The following USH2A variants were observed in gnomAD, a reference collection of about 807,000 sequenced individuals.
USH2A encodes the protein Usher syndrome 2A (autosomal recessive, mild).
Under a neutral mutation model 538.9 loss-of-function variants are expected in USH2A, and 443 were observed. That is an observed-to-expected ratio of 0.82 (90% CI 0.76 to 0.89). The LOEUF is 0.89. Ranked by LOEUF, USH2A falls within the 40% of genes least tolerant of loss-of-function variation. The probability of loss-of-function intolerance (pLI) is 0.00; values close to 1 mark genes in which losing one functional copy is unlikely to be tolerated. For synonymous variants in USH2A, 2,413 were observed against 2,273.5 expected, an observed-to-expected ratio of 1.06 and a Z score of -1.75; for missense variants, 6,633 against 6,324.8, an observed-to-expected ratio of 1.05 and a Z score of -1.65.
At chr1:216,419,206 C>A (rs2039635238) in intron 2 of USH2A, among the ~76,000 whole-genome samples, 1 of 152,138 alleles carries the variant, frequency 6.6e-6, no homozygotes, top group South Asian at 2.1e-4. Flanking sequence ...CTCACCCCAT[C>A]ATCAACTGGC....
At chr1:215,876,874 G>A (rs1664787067) in intron 43 of USH2A, among the ~76,000 whole-genome samples, 1 of 152,156 alleles carries the variant, frequency 6.6e-6, no homozygotes, top group Admixed American at 6.5e-5. Context: ...GAATGCAGAG[G>A]CCTTGGTAAG....
chr1:216,248,784 T>C (rs2036101550), intron 12 of USH2A, among the ~76,000 whole-genome samples: 1 of 152,148 alleles, frequency 6.6e-6, no homozygotes. Context: ...CAGTGCTTAT[T>C]TGAATATGCC....
chr1:215,725,954 G>A (rs1659803772), intron 61 of USH2A, among the ~76,000 whole-genome samples: 1 of 152,178 alleles, frequency 6.6e-6, no homozygotes, highest in South Asian at 2.1e-4. Context: ...ATGAAGGGAT[G>A]ACTTACAGGG....
rs376657264 is a variant in USH2A, at chr1:215,858,707, T to A, written c.8845+8300A>T. On this transcript the variant is annotated intron_variant, in intron 44 of 71. Coordinates refer to ENST00000307340, the MANE Select transcript of USH2A (RefSeq NM_206933.4). Reference sequence around the variant, plus strand: ...TTTGGATAAGAGCTTTGCTATTAAATGTTATTTTTAGTTGCAACCTCCAAT... The same window carrying A: ...TTTGGATAAGAGCTTTGCTATTAAAAGTTATTTTTAGTTGCAACCTCCAAT... 7.2e-5 allele frequency among the ~76,000 whole-genome samples: 11 copies of A among 152,184 alleles called. No individual in the cohort carries two copies. The South Asian group carries it at 2.3e-3, about 32-fold the overall frequency.
rs1183957540 is a variant in USH2A at position 215,786,860 on chromosome 1, G to T, written c.10197C>A (p.Cys3399Ter). 1.2e-6 allele frequency: 2 copies of T among 1,613,840 alleles called. No homozygotes were observed. Among genetic ancestry groups the T allele is most frequent in the Non-Finnish European group, 1.7e-6 (2 of 1,179,892 alleles). ...CCATAGATGCTGGGCAGAGGATCCT[G>T]CACTCTTTGGTTTCCTGAGTCAAGT... ...TGMMMKETKECRILCPASMEA... is the reference protein window; with the variant it reads ...TGMMMKETKE Residue 3399 changes from cysteine to a stop codon, truncating the protein, a stop_gained, in exon 52 of 72, where the codon TGC becomes TGA. Transcript: ENST00000307340. LOFTEE classifies it high-confidence loss of function.
At chr1:216,214,078 T>G (rs1358652489) in intron 15 of USH2A, among the ~76,000 whole-genome samples, 1 of 152,050 alleles carries the variant, frequency 6.6e-6, no homozygotes, top group African/African-American at 2.4e-5. Context: ...AGTAACTGGA[T>G]CTCTTATAAG....
intron 44 of USH2A, among the ~76,000 whole-genome samples, chr1:215,855,747 G>A (rs1664147674): frequency 6.6e-6 from 1 of 151,758 alleles, no homozygotes. Flanking sequence ...ATGCTAAAAG[G>A]ACAAATCTGG....
At chr1:216,270,155 C>T (rs112175588) in intron 11 of USH2A, among the ~76,000 whole-genome samples, 1,595 of 152,114 alleles carry the variant, frequency 0.01, 28 homozygotes, top group African/African-American at 0.036. Flanking sequence ...AACTATATGT[C>T]TTTCTATGCA....
intron 30 of USH2A, among the ~76,000 whole-genome samples, chr1:216,052,863 A>G (rs1203079537): frequency 6.6e-6 from 1 of 152,210 alleles, no homozygotes; most frequent in African/African-American, 2.4e-5. Flanking sequence ...CATTCTCTCC[A>G]AGACTATGTA....
Position 215,728,295 on chromosome 1 carries a change from G to A in USH2A, c.11801C>T (p.Pro3934Leu). ...EFMDEGDTLR[P>L]FTLYEYRVRA... ...GACCCGATATTCGTAGAGTGTGAAAGGCCTCAGGGTGTCTCCTTCATCCAT... is the reference window on the plus strand; with the variant it reads ...GACCCGATATTCGTAGAGTGTGAAAAGCCTCAGGGTGTCTCCTTCATCCAT... Residue 3934 changes from proline (P) to leucine (L), a missense_variant, in exon 61 of 72, where the codon CCT (proline) becomes CTT (leucine). Pro to Leu is a moderately conservative substitution (Grantham distance 98, BLOSUM62 -3). Transcript: ENST00000307340. 6.2e-7 allele frequency: 1 copy of A among 1,614,154 alleles called. No individual in the cohort carries two copies. Among genetic ancestry groups the A allele is most frequent in the Non-Finnish European group, 8.5e-7 (1 of 1,180,030 alleles).
chr1:216,407,925 TA>T (rs879900125), intron 3 of USH2A, among the ~76,000 whole-genome samples: 5,490 of 145,320 alleles, frequency 0.038, 250 homozygotes, highest in African/African-American at 0.11. Context: ...TAGAGATTGT[TA>T]AAAAAAAAAA....
chr1:216,207,711 GCC>G (rs1364413789), intron 15 of USH2A, among the ~76,000 whole-genome samples: 7 of 64,158 alleles, frequency 1.1e-4, no homozygotes, highest in Middle Eastern at 9.8e-3. Flanking sequence ...TTCTTTCTTT[GCC>G]TTTTTTTTTT....
In USH2A at chr1:215,671,294, C is replaced by T. The variant is rs199782530; in HGVS notation, c.13812-1G>A. ...GCACGCTTGAATTCGTATTTCATAC[C>T]TTCAGGACATAAGGCAGAAATTAGT... is the stretch of plus-strand genomic sequence containing the variant. On this transcript the variant is annotated splice_acceptor_variant, in intron 63 of 71. Coordinates refer to ENST00000307340, the MANE Select transcript of USH2A (RefSeq NM_206933.4). LOFTEE classifies it high-confidence loss of function. The T allele has an allele frequency of 1.2e-6, 2 of 1,613,756 alleles. No individual in the cohort carries two copies. The highest frequency in any genetic ancestry group is 1.1e-5 in the South Asian group (1 of 91,066).
chr1:215,880,293 T>C (rs1406824666), intron 41 of USH2A, among the ~76,000 whole-genome samples: 1 of 152,168 alleles, frequency 6.6e-6, no homozygotes, highest in Non-Finnish European at 1.5e-5. Context: ...CCTGAGATTT[T>C]TTAAAGAGTA....
At chr1:216,113,157 C>A (rs201634239) in intron 21 of USH2A, among the ~76,000 whole-genome samples, 2,928 of 111,890 alleles carry the variant, frequency 0.026, 93 homozygotes, top group African/African-American at 0.089. Context: ...AAAAAAAAAA[C>A]AAAACAAGAA....
chr1:215,714,007 C>T (rs2102700653), intron 61 of USH2A, among the ~76,000 whole-genome samples: 1 of 152,226 alleles, frequency 6.6e-6, no homozygotes, highest in South Asian at 2.1e-4. Flanking sequence ...AATAATACTC[C>T]ACAGATTGGT....
At chr1:216,012,178 A>G (rs2102493472) in intron 32 of USH2A, among the ~76,000 whole-genome samples, 1 of 146,824 alleles carries the variant, frequency 6.8e-6, no homozygotes, top group Non-Finnish European at 1.5e-5. Flanking sequence ...CCTAATCATC[A>G]CACACCAGCA....
chr1:215,874,041 C>G (rs935191674), intron 43 of USH2A, among the ~76,000 whole-genome samples: 5 of 152,134 alleles, frequency 3.3e-5, no homozygotes, highest in Non-Finnish European at 7.4e-5. Context: ...TATCTGATCA[C>G]TTAGGAACCA....
intron 43 of USH2A, among the ~76,000 whole-genome samples, chr1:215,870,523 C>CAT: frequency 6.8e-6 from 1 of 146,674 alleles, no homozygotes; most frequent in South Asian, 2.1e-4. Context: ...TCTCGATCTT[C>CAT]TGACCTCATG....
Sources: gnomAD v4.1 joint callset for allele counts (sites outside exome capture counted in the v4.1 genomes callset) on GRCh38, gnomAD v4.1.1 for gene constraint, MANE v1.5 for transcripts, NCBI Gene and HGNC (gene_info 2026-07-23, HGNC 2026-07-21) for gene names.